CNTLN: variants seen among roughly 807,000 people sequenced by gnomAD.
CNTLN encodes the protein centlein, also known as centlein, centrosomal protein.
Under a neutral mutation model 180.0 loss-of-function variants are expected in CNTLN, and 212 were observed. The ratio of observed to expected loss-of-function variants is 1.18; its 90% CI spans 1.05 to 1.32. The LOEUF (loss-of-function observed/expected upper bound fraction) is 1.32. Among genes scored for constraint, CNTLN ranks in the 40% most tolerant of loss-of-function variants. The pLI, the probability that CNTLN is intolerant of heterozygous loss-of-function variation, is 0.00. For missense variants in CNTLN, 2,095 were observed against 1,610.9 expected (o/e 1.30, Z -5.14); for synonymous variants, 722 against 563.1 (o/e 1.28, Z -3.99).
intron 1 of CNTLN, among the ~76,000 whole-genome samples, chr9:17,137,885 A>G (rs1817827281): frequency 6.6e-6 from 1 of 152,186 alleles, no homozygotes; most frequent in Admixed American, 6.5e-5. Flanking sequence ...ACTCTAAGTG[A>G]TTGTATTATC....
At chr9:17,467,176 A>G (rs1036527689) in intron 23 of CNTLN, among the ~76,000 whole-genome samples, 3 of 151,566 alleles carry the variant, frequency 2.0e-5, no homozygotes, top group South Asian at 2.1e-4. Context: ...AGTTGAAAGA[A>G]TTAAGCTGTT....
chr9:17,172,629 T>C (rs984147030), intron 2 of CNTLN, among the ~76,000 whole-genome samples: 1 of 152,208 alleles, frequency 6.6e-6, no homozygotes, highest in Non-Finnish European at 1.5e-5. Context: ...TAAAAAGTTT[T>C]AATGCCTAAC....
At chr9:17,196,212 CG>C (rs1368849427) in intron 2 of CNTLN, among the ~76,000 whole-genome samples, 1 of 151,854 alleles carries the variant, frequency 6.6e-6, no homozygotes, top group Non-Finnish European at 1.5e-5. Flanking sequence ...TTGAGAGGCA[CG>C]GGGTTTCATC....
intron 24 of CNTLN, 93 bp from the exon 25 acceptor site, chr9:17,486,896 A>C: frequency 1.6e-6 from 1 of 627,240 alleles, no homozygotes; most frequent in South Asian, 2.0e-5. Flanking sequence ...ATCTAATTCT[A>C]CTGATATTAC....
intron 6 of CNTLN, among the ~76,000 whole-genome samples, chr9:17,281,239 C>T (rs10962997): frequency 6.6e-6 from 1 of 151,916 alleles, no homozygotes; most frequent in Non-Finnish European, 1.5e-5. Context: ...TTTTATTACC[C>T]CCATTCCTTT....
chr9:17,253,460 T>C (rs1265214085), intron 5 of CNTLN, among the ~76,000 whole-genome samples: 1 of 151,528 alleles, frequency 6.6e-6, no homozygotes, highest in Non-Finnish European at 1.5e-5. Flanking sequence ...TGTTTGTTTG[T>C]TTTGTAGAGA....
intron 12 of CNTLN, among the ~76,000 whole-genome samples, chr9:17,355,331 C>G (rs956440271): frequency 6.6e-6 from 1 of 152,120 alleles, no homozygotes; most frequent in African/African-American, 2.4e-5. Flanking sequence ...AGCCATAGTT[C>G]TTTACATATT....
At chr9:17,311,193 C>A (rs1354742539) in intron 8 of CNTLN, among the ~76,000 whole-genome samples, 1 of 151,458 alleles carries the variant, frequency 6.6e-6, no homozygotes, top group African/African-American at 2.4e-5. Context: ...CCTGGCTAAT[C>A]TTTTTATTTT....
chr9:17,151,421 T>C (rs1818869765), intron 2 of CNTLN, among the ~76,000 whole-genome samples: 1 of 152,204 alleles, frequency 6.6e-6, no homozygotes, highest in South Asian at 2.1e-4. Flanking sequence ...GTTTTTGTCA[T>C]TGGTTCTGTT....
At chr9:17,377,505 C>T (rs1230480322) in intron 13 of CNTLN, among the ~76,000 whole-genome samples, 1 of 152,120 alleles carries the variant, frequency 6.6e-6, no homozygotes, top group Non-Finnish European at 1.5e-5. Flanking sequence ...TGCGTCATTG[C>T]ACTGCAGCCT....
chr9:17,349,513 T>G (rs1010495959), intron 12 of CNTLN, among the ~76,000 whole-genome samples: 5 of 152,156 alleles, frequency 3.3e-5, no homozygotes, highest in Admixed American at 6.5e-5. Flanking sequence ...TTATAAAACA[T>G]TGTATGACAA....
chr9:17,286,672 T>A (rs1829001315), intron 6 of CNTLN, among the ~76,000 whole-genome samples: 2 of 121,694 alleles, frequency 1.6e-5, no homozygotes, highest in African/African-American at 7.4e-5. Context: ...TGTATCCTCT[T>A]TTATTTCATT....
intron 3 of CNTLN, 107 bp from the exon 4 acceptor site, chr9:17,235,551 A>G: frequency 1.2e-6 from 1 of 865,762 alleles, no homozygotes; most frequent in Non-Finnish European, 1.8e-6. Context: ...TTATTATGAA[A>G]GCTATTTAAT....
chr9:17,176,279 C>G (rs1293261138), intron 2 of CNTLN, among the ~76,000 whole-genome samples: 3 of 151,204 alleles, frequency 2.0e-5, no homozygotes, highest in South Asian at 2.1e-4. Flanking sequence ...TCCTAGATTG[C>G]TGATAATTTT....
chr9:17,391,867 A>G (rs1826141461), intron 14 of CNTLN, among the ~76,000 whole-genome samples: 1 of 152,136 alleles, frequency 6.6e-6, no homozygotes, highest in African/African-American at 2.4e-5. Flanking sequence ...CTCCCAACAA[A>G]ACTGCAAGAT....
At chr9:17,419,415 G>GTT (rs1300260095) in intron 18 of CNTLN, among the ~76,000 whole-genome samples, 4 of 152,064 alleles carry the variant, frequency 2.6e-5, no homozygotes, top group African/African-American at 9.7e-5. Flanking sequence ...GTTGCCACAG[G>GTT]TGTAAAGATA....
intron 2 of CNTLN, among the ~76,000 whole-genome samples, chr9:17,189,249 A>AT (rs914841015): frequency 1.3e-4 from 20 of 150,208 alleles, no homozygotes; most frequent in African/African-American, 4.9e-4. Context: ...CGCCCGGCTA[A>AT]TTTTTTGTAT....
Position 17,408,133 on chromosome 9 carries a change from A to AAG in CNTLN, c.2616-1159_2616-1158insGA, listed in dbSNP as rs1456343537. Among the ~76,000 whole-genome samples the AAG allele has an allele frequency of 2.0e-5, 3 of 147,346 alleles. No individual in the cohort carries two copies. In the East Asian group the frequency reaches 5.9e-4, roughly 29 times the overall value. On this transcript the variant is annotated intron_variant, in intron 15 of 25. Coordinates refer to ENST00000380647, the MANE Select transcript of CNTLN (RefSeq NM_017738.4). ...AACAGAGTGAGACTCTGTCTCAAAA[A>AAG]AAAAAAAAAAAAAAAAAAAGACCAA...
chr9:17,198,386 C>CTTTTT (rs61209273), intron 2 of CNTLN, among the ~76,000 whole-genome samples: 14 of 109,728 alleles, frequency 1.3e-4, no homozygotes, highest in African/African-American at 2.0e-4. Flanking sequence ...TCTTTTCTTT[C>CTTTTT]TTTTTTTTTT....
Sources: allele counts gnomAD v4.1 joint callset (sites outside exome capture counted in the v4.1 genomes callset), GRCh38; gene constraint gnomAD v4.1.1; transcripts MANE v1.5; gene names NCBI Gene and HGNC (gene_info 2026-07-23, HGNC 2026-07-21).